PDE3B: variants seen among roughly 807,000 people sequenced by gnomAD.
PDE3B encodes phosphodiesterase 3B.
PDE3B carries 66 observed loss-of-function variants against 116.8 expected under a neutral mutation model. The ratio of observed to expected loss-of-function variants is 0.56; its 90% CI spans 0.46 to 0.69. PDE3B has a LOEUF of 0.69. Ranked by LOEUF, PDE3B falls within the 30% of genes least tolerant of loss-of-function variation. The pLI, the probability that PDE3B is intolerant of heterozygous loss-of-function variation, is 0.00. For missense variants in PDE3B, 1,384 were observed against 1,368.1 expected, an observed-to-expected ratio of 1.01 and a Z score of -0.18; for synonymous variants, 595 against 533.6, an observed-to-expected ratio of 1.12 and a Z score of -1.59.
chr11:14,685,420 A>G (rs998181944), intron 1 of PDE3B, among the ~76,000 whole-genome samples: 3 of 145,934 alleles, frequency 2.1e-5, no homozygotes, highest in Non-Finnish European at 3.0e-5. Flanking sequence ...GAAGACAATT[A>G]ATCACTAAGG....
intron 1 of PDE3B, among the ~76,000 whole-genome samples, chr11:14,721,144 C>G (rs1332457465): frequency 2.6e-5 from 4 of 151,388 alleles, no homozygotes; most frequent in Middle Eastern, 3.4e-3. Context: ...CAAAAGAAGA[C>G]ATTTATGCAG....
Position 14,657,313 on chromosome 11 carries a change from A to G in PDE3B, c.978+12260A>G, listed in dbSNP as rs535567653. On this transcript the variant is annotated intron_variant, in intron 1 of 15. Transcript: ENST00000282096. Reference sequence around the variant, plus strand: ...AGGGAGATAAGAGATACGGAAACAGAAAGAAGAGAAACTGTATGTAAAAAA... The same window carrying G: ...AGGGAGATAAGAGATACGGAAACAGGAAGAAGAGAAACTGTATGTAAAAAA... Among the ~76,000 whole-genome samples, 44 of 152,324 alleles carry G rather than the reference A, an allele frequency of 2.9e-4. 3 individuals are homozygous for G. In the South Asian group the frequency reaches 8.9e-3, roughly 31 times the overall value.
At chr11:14,681,775 C>A (rs1259398383) in intron 1 of PDE3B, among the ~76,000 whole-genome samples, 1 of 152,044 alleles carries the variant, frequency 6.6e-6, no homozygotes, top group East Asian at 1.9e-4. Flanking sequence ...GCTGAATTCA[C>A]TTATTAGTTC....
chr11:14,886,732 C>T, the PDE3B span: 2 of 152,280 alleles, frequency 1.3e-5, no homozygotes, highest in African/African-American at 4.8e-5. Flanking sequence ...GCCATCCTTT[C>T]AGGATAGCAT....
chr11:14,824,409 G>A (rs1188840174), intron 7 of PDE3B, among the ~76,000 whole-genome samples: 1 of 152,136 alleles, frequency 6.6e-6, no homozygotes, highest in Non-Finnish European at 1.5e-5. Context: ...AAATGATACA[G>A]GAGCTGACAG....
intron 5 of PDE3B, among the ~76,000 whole-genome samples, chr11:14,815,970 C>CACAT (rs1554999072): frequency 1.0e-3 from 151 of 151,548 alleles, no homozygotes; most frequent in Middle Eastern, 3.4e-3. Context: ...CACACACACA[C>CACAT]GCAGAGAAAG....
At chr11:14,892,192 C>T in the PDE3B span, 1 of 1,610,298 alleles carries the variant, frequency 6.2e-7, no homozygotes, top group Non-Finnish European at 8.5e-7. Flanking sequence ...TTCAGCTCTC[C>T]AAAGCTTCCA....
the PDE3B span, chr11:14,877,860 C>A: frequency 2.3e-6 from 1 of 436,104 alleles, no homozygotes; most frequent in Non-Finnish European, 4.1e-6. Flanking sequence ...CGTCCATGAC[C>A]CTTCTTAGCA....
intron 1 of PDE3B, among the ~76,000 whole-genome samples, chr11:14,681,972 CA>C (rs1169434814): frequency 6.6e-6 from 1 of 152,114 alleles, no homozygotes; most frequent in Non-Finnish European, 1.5e-5. Context: ...TCAACATAAA[CA>C]GTCAATTAGC....
intron 1 of PDE3B, among the ~76,000 whole-genome samples, chr11:14,737,618 A>AT (rs551841003): frequency 2.6e-5 from 4 of 151,884 alleles, no homozygotes; most frequent in Non-Finnish European, 4.4e-5. Flanking sequence ...AAAATTAACC[A>AT]TTTTTTTTAT....
At chr11:14,722,000 A>G (rs562918164) in intron 1 of PDE3B, among the ~76,000 whole-genome samples, 3 of 151,932 alleles carry the variant, frequency 2.0e-5, no homozygotes, top group East Asian at 1.9e-4. Flanking sequence ...TGATGAGTTC[A>G]TGTCCTTTGT....
chr11:14,897,430 G>A, the PDE3B span, among the ~76,000 whole-genome samples: 1 of 152,090 alleles, frequency 6.6e-6, no homozygotes, highest in African/African-American at 2.4e-5. Flanking sequence ...TGGTCTTTGT[G>A]TCTGAACCCC....
At chr11:14,736,826 GGGT>G (rs1171917595) in intron 1 of PDE3B, among the ~76,000 whole-genome samples, 1 of 152,150 alleles carries the variant, frequency 6.6e-6, no homozygotes, top group Non-Finnish European at 1.5e-5. Context: ...AAGATTAAAG[GGGT>G]GGGTTTTGAT....
At chr11:14,823,376 G>T (rs987858943) in intron 7 of PDE3B, among the ~76,000 whole-genome samples, 2 of 151,728 alleles carry the variant, frequency 1.3e-5, no homozygotes, top group African/African-American at 2.4e-5. Context: ...AAACTTTGCT[G>T]GGATGGAGTT....
intron 5 of PDE3B, among the ~76,000 whole-genome samples, chr11:14,814,261 T>C (rs548183330): frequency 3.9e-5 from 6 of 152,162 alleles, no homozygotes; most frequent in South Asian, 2.1e-4. Flanking sequence ...TTCTAGACAA[T>C]GAATGAAGAC....
chr11:14,795,288 C>G (rs1208719899), intron 4 of PDE3B, among the ~76,000 whole-genome samples: 2 of 152,122 alleles, frequency 1.3e-5, no homozygotes, highest in African/African-American at 4.8e-5. Context: ...CTTTGGAGAT[C>G]CTCAGGAGTT....
chr11:14,783,991 C>G (rs1317703749), intron 2 of PDE3B, among the ~76,000 whole-genome samples: 1 of 152,156 alleles, frequency 6.6e-6, no homozygotes, highest in Admixed American at 6.5e-5. Context: ...TCAGCCACCA[C>G]ATTAGATTCT....
chr11:14,845,847 C>A (rs900852268), intron 12 of PDE3B, among the ~76,000 whole-genome samples: 2 of 152,020 alleles, frequency 1.3e-5, no homozygotes, highest in Admixed American at 6.6e-5. Flanking sequence ...TGTGAAAAGA[C>A]CAAATCTATG....
chr11:14,807,273 A>G (rs1858968356), intron 5 of PDE3B, among the ~76,000 whole-genome samples: 1 of 152,214 alleles, frequency 6.6e-6, no homozygotes, highest in Admixed American at 6.5e-5. Context: ...AAAAAAATTG[A>G]TGGGTAAACA....
Sources: gnomAD v4.1 joint callset for allele counts (sites outside exome capture counted in the v4.1 genomes callset) on GRCh38, gnomAD v4.1.1 for gene constraint, MANE v1.5 for transcripts, NCBI Gene and HGNC (gene_info 2026-07-23, HGNC 2026-07-21) for gene names.